WNT10A: variants seen among roughly 807,000 people sequenced by gnomAD.
WNT10A encodes the protein Wnt family member 10A, also known as protein Wnt-10a.
A neutral mutation model predicts 36.1 loss-of-function variants in WNT10A; 37 were observed. The observed-to-expected ratio is 1.02, with a 90% confidence interval of 0.79 to 1.35. The LOEUF is 1.35. Ranked by LOEUF, WNT10A falls within the 40% of genes most tolerant of loss-of-function variation. The pLI is 0.00. For missense variants in WNT10A, 613 were observed against 601.4 expected, an observed-to-expected ratio of 1.02 and a Z score of -0.20; for synonymous variants, 255 against 254.1, an observed-to-expected ratio of 1.00 and a Z score of -0.03.
chr2:218,885,859 CAATT>C (rs1944571790), intron 2 of WNT10A, among the ~76,000 whole-genome samples: 2 of 152,240 alleles, frequency 1.3e-5, no homozygotes, highest in African/African-American at 4.8e-5. Context: ...TAACGATACC[CAATT>C]AATTAGCCAA....
intron 1 of WNT10A, 64 bp downstream of exon 1, chr2:218,881,172 G>T (rs890993104): frequency 6.5e-7 from 1 of 1,548,984 alleles, no homozygotes; most frequent in Admixed American, 2.0e-5. Context: ...AGGGGCCTCT[G>T]ATGCTCTTGC....
At chr2:218,880,182 C>G (rs1255610648), upstream of WNT10A, among the ~76,000 whole-genome samples, 1 of 152,220 alleles carries the variant, frequency 6.6e-6, no homozygotes, top group East Asian at 1.9e-4. This position sits in a 1 kb window ranked among gnomAD's most constrained non-coding sequence, Gnocchi z 7.7. Flanking sequence ...CCAGCCCCTC[C>G]CCTCCAGCCC....
At chr2:218,887,119 C>T (rs1480700140) in intron 2 of WNT10A, among the ~76,000 whole-genome samples, 2 of 152,194 alleles carry the variant, frequency 1.3e-5, no homozygotes, top group Non-Finnish European at 2.9e-5. Flanking sequence ...GGGTTTCTTT[C>T]GCAGCAGCAG....
At position 218,893,456 on chromosome 2, in the gene WNT10A, C is replaced by CCCA; in HGVS notation, c.*190_*192dup. On this transcript the variant is annotated 3_prime_UTR_variant, in exon 4 of 4. Coordinates refer to ENST00000258411, the MANE Select transcript of WNT10A (RefSeq NM_025216.3). This position sits in a 1 kb window ranked among gnomAD's most constrained non-coding sequence, Gnocchi z 6.3. Reference sequence around the variant, plus strand: ...CCGGACAGTCCAGGCCTGTCTGAACCCCACCACTCACTTCTGTGGGCTCTA... The same window carrying CCCA: ...CCGGACAGTCCAGGCCTGTCTGAACCCCACCACCACTCACTTCTGTGGGCTCTA... The CCCA allele has an allele frequency of 1.3e-6, 1 of 795,486 alleles. No individual in the cohort carries two copies. The highest frequency in any genetic ancestry group is 1.9e-6 in the Non-Finnish European group (1 of 530,980). The allele number at this position is 795,486 out of a possible 1,614,324, so 49.3% of individuals were successfully genotyped here.
intron 2 of WNT10A, among the ~76,000 whole-genome samples, chr2:218,884,505 G>T (rs901703471): frequency 6.6e-6 from 1 of 152,014 alleles, no homozygotes; most frequent in African/African-American, 2.4e-5. Context: ...CCCTATCAAC[G>T]CCCCTCATTG....
intron 3 of WNT10A, among the ~76,000 whole-genome samples, chr2:218,891,319 G>T (rs1000503344): frequency 3.3e-5 from 5 of 152,160 alleles, no homozygotes; most frequent in Non-Finnish European, 5.9e-5. Context: ...CCTTTCCTGA[G>T]CATTCCATCT....
At chr2:218,891,587 C>T (rs757810368) in intron 3 of WNT10A, among the ~76,000 whole-genome samples, 137 of 152,192 alleles carry the variant, frequency 9.0e-4, no homozygotes, top group Non-Finnish European at 1.6e-3. Flanking sequence ...CAAGCCTCAC[C>T]GCCATCCCAG....
At chr2:218,885,352 C>T (rs1944566533) in intron 2 of WNT10A, among the ~76,000 whole-genome samples, 1 of 152,210 alleles carries the variant, frequency 6.6e-6, no homozygotes, top group African/African-American at 2.4e-5. Flanking sequence ...GGTTCCTGGG[C>T]TGGGTACTGG....
chr2:218,892,068 T>C (rs1235247893), intron 3 of WNT10A, among the ~76,000 whole-genome samples: 2 of 152,044 alleles, frequency 1.3e-5, no homozygotes, highest in South Asian at 2.1e-4. Flanking sequence ...TCCGGTTCCA[T>C]TCTGTATTAG....
intron 1 of WNT10A, 98 bp from the exon 2 acceptor site, chr2:218,882,063 G>A (rs906571124): frequency 2.7e-6 from 4 of 1,484,678 alleles, no homozygotes; most frequent in Admixed American, 1.9e-5. Context: ...GGTTGGAAGA[G>A]GGAGTGATTA....
chr2:218,875,709 T>C, the WNT10A span, among the ~76,000 whole-genome samples: 1 of 152,204 alleles, frequency 6.6e-6, no homozygotes, highest in African/African-American at 2.4e-5. Context: ...TCCCACACCC[T>C]CACAGGATTG....
chr2:218,880,379 C>T (rs1944494956), upstream of WNT10A: 1 of 154,012 alleles, frequency 6.5e-6, no homozygotes, highest in South Asian at 2.0e-4. This position sits in a 1 kb window ranked among gnomAD's most constrained non-coding sequence, Gnocchi z 7.7. Context: ...CAGGGACGCT[C>T]CCACCCCCAG....
Position 218,882,243 on chromosome 2 carries a change from G to A in WNT10A, c.196G>A (p.Gly66Ser), listed in dbSNP as rs984053888. 1.2e-6 allele frequency: 2 copies of A among 1,614,078 alleles called. No individual in the cohort carries two copies. Among genetic ancestry groups the A allele is most frequent in the Admixed American group, 3.3e-5 (2 of 60,008 alleles). The change falls in exon 2 of 4, where the codon GGC (glycine) becomes AGC (serine). Residue 66 changes from glycine to serine, a missense_variant. Gly to Ser is a moderately conservative substitution (Grantham distance 56, BLOSUM62 0). Transcript: ENST00000258411. ...CAACACAGTGTGCCTAACATTGCCA[G>A]GCCTGAGCCGGCGGCAGATGGAGGT... ...NANTVCLTLP[G>S]LSRRQMEVCV... is the part of the protein sequence containing the mutation.
intron 3 of WNT10A, 150 bp downstream of exon 3, chr2:218,890,513 C>A: frequency 1.7e-6 from 2 of 1,182,238 alleles, no homozygotes; most frequent in South Asian, 1.4e-5. Flanking sequence ...AACAAACATG[C>A]ACTGAGTATG....
chr2:218,893,392 G>T lies in WNT10A; in HGVS notation c.*121G>T. 7.4e-7 allele frequency: 1 copy of T among 1,359,282 alleles called. No individual in the cohort carries two copies. 84.2% of individuals were successfully genotyped at this position (1,359,282 alleles called of 1,614,324 possible). Reference sequence around the variant, plus strand: ...TTGGGAAGAGGAGATTGGACCACATGATCTTATAGGAACCCCTCAGCTCTG... The same window carrying T: ...TTGGGAAGAGGAGATTGGACCACATTATCTTATAGGAACCCCTCAGCTCTG... On this transcript the variant is annotated 3_prime_UTR_variant, in exon 4 of 4. Transcript: ENST00000258411. The surrounding 1 kb of genome is among the most constrained non-coding windows in gnomAD (Gnocchi z 6.3).
chr2:218,892,687 G>C (rs1038479789), intron 3 of WNT10A, 87 bp from the exon 4 acceptor site: 4 of 1,535,460 alleles, frequency 2.6e-6, no homozygotes, highest in African/African-American at 2.8e-5. Context: ...TATAATGGGA[G>C]TGGGTTTCAG....
rs759671927 is a variant in WNT10A at position 218,893,163 on chromosome 2, C to G, written c.1146C>G (p.Asn382Lys). ...CGSMCCGRGH[N>K]ILRQTRSERC... is the part of the protein sequence containing the mutation. The stretch of plus-strand genomic sequence containing the variant: ...GCATGTGCTGCGGCCGCGGCCACAA[C>G]ATCCTGCGCCAGACGCGCAGCGAGC... The change falls in exon 4 of 4, where the codon AAC (asparagine) becomes AAG (lysine). Residue 382 changes from asparagine to lysine, a missense_variant. Coordinates refer to ENST00000258411, the MANE Select transcript of WNT10A (RefSeq NM_025216.3). The surrounding 1 kb of genome is among the most constrained non-coding windows in gnomAD (Gnocchi z 6.3). 2.5e-6 allele frequency: 4 copies of G among 1,587,200 alleles called. No individual in the cohort carries two copies. The highest frequency in any genetic ancestry group is 3.4e-6 in the Non-Finnish European group (4 of 1,173,654).
chr2:218,888,363 C>T (rs1362411756), intron 2 of WNT10A, among the ~76,000 whole-genome samples: 2 of 152,230 alleles, frequency 1.3e-5, no homozygotes, highest in Non-Finnish European at 2.9e-5. Flanking sequence ...GAGAATGGCT[C>T]AGGTTGGAGC....
chr2:218,881,570 T>TGTGTGTGTGTGTG (rs1205089452), intron 1 of WNT10A, among the ~76,000 whole-genome samples: 74 of 139,354 alleles, frequency 5.3e-4, no homozygotes, highest in African/African-American at 2.1e-3. Context: ...GTGTGTGTGT[T>TGTGTGTGTGTGTG]TTCAATCGAG....
Sources: gnomAD v4.1 joint callset for allele counts (sites outside exome capture counted in the v4.1 genomes callset) on GRCh38, gnomAD v4.1.1 for gene constraint, Gnocchi (gnomAD v3.1) non-coding constraint, MANE v1.5 for transcripts, NCBI Gene and HGNC (gene_info 2026-07-23, HGNC 2026-07-21) for gene names.